Variants in CSMD1 observed in about 807,000 individuals in gnomAD.
CSMD1 encodes the protein CUB and Sushi multiple domains 1.
CSMD1 carries 213 observed loss-of-function variants against 417.5 expected under a neutral mutation model. The ratio of observed to expected loss-of-function variants is 0.51; its 90% CI spans 0.46 to 0.57. The LOEUF is 0.57. CSMD1 is among the 20% of genes least tolerant of loss of function. The pLI is 0.00. For missense variants in CSMD1, 6,923 were observed against 4,529.7 expected (o/e 1.53, Z -15.17); for synonymous variants, 2,862 against 1,736.8 (o/e 1.65, Z -16.11).
intron 2 of CSMD1, among the ~76,000 whole-genome samples, chr8:4,621,405 G>T (rs921560068): frequency 6.6e-6 from 1 of 152,094 alleles, no homozygotes; most frequent in African/African-American, 2.4e-5. Context: ...TTTATAATTA[G>T]AGATGCTCAA....
At chr8:4,863,000 G>C (rs1269240676) in intron 1 of CSMD1, among the ~76,000 whole-genome samples, 1 of 151,950 alleles carries the variant, frequency 6.6e-6, no homozygotes, top group East Asian at 1.9e-4. Context: ...AAATACCCCC[G>C]TAGATCAAGG....
At chr8:2,989,255 T>C (rs1398494654) in intron 54 of CSMD1, among the ~76,000 whole-genome samples, 1 of 152,218 alleles carries the variant, frequency 6.6e-6, no homozygotes, top group African/African-American at 2.4e-5. Flanking sequence ...TCACCATCTT[T>C]ATGAGTCTGT....
intron 2 of CSMD1, among the ~76,000 whole-genome samples, chr8:4,626,894 G>A (rs374734787): frequency 4.6e-5 from 7 of 152,034 alleles, no homozygotes; most frequent in Admixed American, 2.0e-4. Context: ...TTGCCTTTTC[G>A]ATTCTTTATT....
intron 7 of CSMD1, among the ~76,000 whole-genome samples, chr8:3,635,545 G>A (rs865896320): frequency 7.8e-4 from 115 of 148,060 alleles, no homozygotes; most frequent in African/African-American, 2.4e-3. Context: ...GTGCAGTGGC[G>A]CGATCTCAGC....
intron 1 of CSMD1, among the ~76,000 whole-genome samples, chr8:4,839,093 T>C (rs73659206): frequency 7.6e-4 from 116 of 152,320 alleles, no homozygotes; most frequent in African/African-American, 2.7e-3. Context: ...TTTACTCCTC[T>C]GAGTCAGTTT....
intron 25 of CSMD1, among the ~76,000 whole-genome samples, chr8:3,293,255 A>C (rs968686784): frequency 7.9e-5 from 12 of 152,050 alleles, no homozygotes; most frequent in Non-Finnish European, 1.3e-4. Context: ...GGCTGCCTTT[A>C]ACATTTTTTC....
At chr8:3,901,489 T>C (rs747099657) in intron 5 of CSMD1, among the ~76,000 whole-genome samples, 1 of 152,216 alleles carries the variant, frequency 6.6e-6, no homozygotes, top group Non-Finnish European at 1.5e-5. Context: ...CACACATGCA[T>C]TGTCAGTTCT....
intron 9 of CSMD1, among the ~76,000 whole-genome samples, chr8:3,585,634 G>A (rs944770889): frequency 2.0e-5 from 3 of 152,090 alleles, no homozygotes; most frequent in African/African-American, 7.2e-5. Context: ...CAATAATGAT[G>A]AATATTTTAC....
intron 55 of CSMD1, among the ~76,000 whole-genome samples, chr8:2,977,419 A>G (rs1563199904): frequency 6.6e-6 from 1 of 152,242 alleles, no homozygotes; most frequent in Admixed American, 6.5e-5. Context: ...ATGTCTCTGC[A>G]AAGGACATAA....
intron 5 of CSMD1, among the ~76,000 whole-genome samples, chr8:3,772,058 C>G (rs1798600980): frequency 6.6e-6 from 1 of 151,596 alleles, no homozygotes; most frequent in South Asian, 2.1e-4. Flanking sequence ...GCATCTGAGT[C>G]TGCCATTATG....
chr8:3,676,380 T>G (rs556995630), intron 7 of CSMD1, among the ~76,000 whole-genome samples: 1 of 152,152 alleles, frequency 6.6e-6, no homozygotes, highest in Admixed American at 6.5e-5. Context: ...CAAAACTAGA[T>G]GAAAACTTAT....
At chr8:3,843,512 A>C (rs1331241488) in intron 5 of CSMD1, among the ~76,000 whole-genome samples, 1 of 152,220 alleles carries the variant, frequency 6.6e-6, no homozygotes, top group Non-Finnish European at 1.5e-5. Context: ...GACAGATATG[A>C]GAAAAATGTG....
At chr8:3,601,345 C>T (rs1006476757) in intron 8 of CSMD1, among the ~76,000 whole-genome samples, 3 of 152,190 alleles carry the variant, frequency 2.0e-5, no homozygotes, top group African/African-American at 4.8e-5. Flanking sequence ...CTGTAGAAGG[C>T]AGCAGATACT....
intron 10 of CSMD1, among the ~76,000 whole-genome samples, chr8:3,538,661 T>C (rs1247055498): frequency 2.0e-5 from 3 of 152,260 alleles, no homozygotes; most frequent in Non-Finnish European, 4.4e-5. Flanking sequence ...GTTGCCAGAC[T>C]GGCCTTTTCT....
intron 8 of CSMD1, among the ~76,000 whole-genome samples, chr8:3,606,474 T>G (rs1379472415): frequency 6.7e-6 from 1 of 149,462 alleles, no homozygotes; most frequent in African/African-American, 2.5e-5. Flanking sequence ...AGATATGGTA[T>G]GAAAGACGGA....
At chr8:3,914,964 A>G (rs1374392109) in intron 5 of CSMD1, among the ~76,000 whole-genome samples, 1 of 152,204 alleles carries the variant, frequency 6.6e-6, no homozygotes, top group Non-Finnish European at 1.5e-5. Context: ...ACAGTATTGC[A>G]GTGTGATGAA....
At chr8:4,604,410 T>TGTGTGTGTGTGTGTGTGTGCGC in intron 2 of CSMD1, among the ~76,000 whole-genome samples, 1 of 146,152 alleles carries the variant, frequency 6.8e-6, no homozygotes, top group South Asian at 2.2e-4. Context: ...TGTGTGTGTG[T>TGTGTGTGTGTGTGTGTGTGCGC]GCGCGTGCGT....
At chr8:3,134,529 G>C (rs980845676) in intron 41 of CSMD1, among the ~76,000 whole-genome samples, 1 of 152,248 alleles carries the variant, frequency 6.6e-6, no homozygotes, top group Non-Finnish European at 1.5e-5. Context: ...TGTGATCGGA[G>C]TTTTCCCACA....
At chr8:4,649,435 A>G (rs2724997) in intron 1 of CSMD1, among the ~76,000 whole-genome samples, 83,408 of 152,064 alleles carry the variant, frequency 0.55, 23,225 homozygotes, top group Admixed American at 0.65. Flanking sequence ...GAGAAAAACT[A>G]AAGAGCTTGA....
Sources: allele counts gnomAD v4.1 joint callset (sites outside exome capture counted in the v4.1 genomes callset), GRCh38; gene constraint gnomAD v4.1.1; transcripts MANE v1.5; gene names NCBI Gene and HGNC (gene_info 2026-07-23, HGNC 2026-07-21).